PIK3CG: variants seen among roughly 807,000 people sequenced by gnomAD.
The protein encoded by PIK3CG is phosphatidylinositol 4,5-bisphosphate 3-kinase catalytic subunit gamma isoform.
In PIK3CG, 55 loss-of-function variants were observed where a neutral mutation model predicts 102.3. The ratio of observed to expected loss-of-function variants is 0.54; its 90% CI spans 0.43 to 0.67. PIK3CG has a LOEUF of 0.67. Among genes scored for constraint, PIK3CG ranks in the 30% least tolerant of loss-of-function variants. The pLI is 0.00. For synonymous variants in PIK3CG, 552 were observed against 540.0 expected (o/e 1.02, Z -0.31); for missense variants, 1,258 against 1,391.8 (o/e 0.90, Z 1.53).
chr7:106,888,661 G>T (rs1326131041), intron 10 of PIK3CG, among the ~76,000 whole-genome samples: 4 of 152,194 alleles, frequency 2.6e-5, no homozygotes, highest in Non-Finnish European at 5.9e-5. Flanking sequence ...TTGTACATTT[G>T]TTGTACTTGT....
chr7:106,893,843 T>G lies in PIK3CG; in HGVS notation c.3030+7551T>G, dbSNP rs1387171946. On this transcript the variant is annotated intron_variant, in intron 10 of 10. Transcript: ENST00000496166. The surrounding 1 kb of genome is among the most constrained non-coding windows in gnomAD (Gnocchi z 4.4). ...AGTGAACTTACACAAACCTAGGTGG[T>G]AGTCTTCCACACACCTAGGCTATAT... Among the ~76,000 whole-genome samples, 1 of 152,206 alleles carries G rather than the reference T, an allele frequency of 6.6e-6. No individual in the cohort carries two copies. The highest frequency in any genetic ancestry group is 1.5e-5 in the Non-Finnish European group (1 of 68,038).
chr7:106,882,142 G>A lies in PIK3CG; in HGVS notation c.2564G>A (p.Trp855Ter), dbSNP rs2116537374. 6.4e-7 allele frequency: 1 copy of A among 1,567,056 alleles called. No individual in the cohort carries two copies. Among genetic ancestry groups the A allele is most frequent in the Non-Finnish European group, 8.7e-7 (1 of 1,155,598 alleles). ...LQILRIMESIWETESLDLCLL... is the reference protein window; with the variant it reads ...LQILRIMESI ...ATTCTACGAATCATGGAGTCTATTT[G>A]GGAGACTGAATCTTTGGATCTATGC... The change falls in exon 7 of 11, where the codon TGG becomes TAG. Residue 855 changes from tryptophan to a stop codon, truncating the protein, a stop_gained. Coordinates refer to ENST00000496166, the MANE Select transcript of PIK3CG (RefSeq NM_001282426.2). LOFTEE classifies it high-confidence loss of function.
At position 106,892,765 on chromosome 7, in the gene PIK3CG, T is replaced by C. The variant is rs1791297664; in HGVS notation, c.3030+6473T>C. Among the ~76,000 whole-genome samples, 1 of 152,176 alleles carries C rather than the reference T, an allele frequency of 6.6e-6. No individual in the cohort carries two copies. Among genetic ancestry groups the C allele is most frequent in the South Asian group, 2.1e-4 (1 of 4,832 alleles). ...TGCCCTAGAGGATAGAAAAGGGCTA[T>C]TCAGAGAAGCATGTGTTTTTCTCAG... is the stretch of plus-strand genomic sequence containing the variant. On this transcript the variant is annotated intron_variant, in intron 10 of 10. Coordinates refer to ENST00000496166, the MANE Select transcript of PIK3CG (RefSeq NM_001282426.2). The surrounding 1 kb of genome is among the most constrained non-coding windows in gnomAD (Gnocchi z 5.2).
rs1791582026 is a variant in PIK3CG, at chr7:106,902,408, A to G, written c.3031-2701A>G. Among the ~76,000 whole-genome samples the G allele has an allele frequency of 6.6e-6, 1 of 152,254 alleles. No individual in the cohort carries two copies. The highest frequency in any genetic ancestry group is 2.1e-4 in the South Asian group (1 of 4,826). Reference sequence around the variant, plus strand: ...CATCAGTCATGTAACCACCATCACAATTAAGTTATATAACATTTATAAGCA... The same window carrying G: ...CATCAGTCATGTAACCACCATCACAGTTAAGTTATATAACATTTATAAGCA... On this transcript the variant is annotated intron_variant, in intron 10 of 10. Coordinates refer to ENST00000496166, the MANE Select transcript of PIK3CG (RefSeq NM_001282426.2). This position sits in a 1 kb window ranked among gnomAD's most constrained non-coding sequence, Gnocchi z 4.3.
rs1295197342 is a variant in PIK3CG at position 106,867,937 on chromosome 7, A to G, written c.376A>G (p.Lys126Glu). 1 of 1,613,234 alleles carries G rather than the reference A, an allele frequency of 6.2e-7. No individual in the cohort carries two copies. Among genetic ancestry groups the G allele is most frequent in the South Asian group, 1.1e-5 (1 of 91,078 alleles). ...VQTLDCLRYWKATHRSPGQIH... is the reference protein window; with the variant it reads ...VQTLDCLRYWEATHRSPGQIH... ...GACTCTGGACTGCCTGCGCTACTGG[A>G]AGGCCACGCACCGGAGCCCGGGCCA... The change falls in exon 2 of 11, where the codon AAG becomes GAG. Residue 126 changes from lysine (K) to glutamate (E), a missense_variant. Around this residue, in one of 2 missense-constraint regions of PIK3CG, gnomAD observed 832 missense variants for 787.5 expected, o/e 1.06. Transcript: ENST00000496166. This position sits in a 1 kb window ranked among gnomAD's most constrained non-coding sequence, Gnocchi z 5.1.
chr7:106,865,894 G>A (rs1309450647), intron 1 of PIK3CG: 2 of 152,186 alleles, frequency 1.3e-5, no homozygotes, highest in Non-Finnish European at 2.9e-5. Flanking sequence ...TTTATTTCAA[G>A]TTAGTGTCAA....
At chr7:106,878,880 A>G (rs759754000) in intron 5 of PIK3CG, among the ~76,000 whole-genome samples, 1 of 152,234 alleles carries the variant, frequency 6.6e-6, no homozygotes, top group Non-Finnish European at 1.5e-5. Context: ...TTAAATGACT[A>G]CATCACAATT....
rs1411989310 is a variant in PIK3CG, at chr7:106,869,175, G to A, written c.1614G>A (p.Pro538=). 7 of 1,614,078 alleles carry A rather than the reference G, an allele frequency of 4.3e-6. No homozygotes were observed. The highest frequency in any genetic ancestry group is 2.2e-5 in the East Asian group (1 of 44,892). The change falls in exon 2 of 11, where the codon CCG becomes CCA. Residue 538 remains proline, a synonymous_variant. Coordinates refer to ENST00000496166, the MANE Select transcript of PIK3CG (RefSeq NM_001282426.2). This position sits in a 1 kb window ranked among gnomAD's most constrained non-coding sequence, Gnocchi z 5.3. The part of the protein sequence containing the change: ...ALPKHQPTPD[P]EGDRVRAEMP... ...CTAAGCATCAGCCCACCCCTGACCC[G>A]GAAGGGGACCGGGTTCGAGCAGAAA...
rs760413478 is a variant in PIK3CG, at chr7:106,868,431, C to A, written c.870C>A (p.Phe290Leu). 1.2e-6 allele frequency: 2 copies of A among 1,614,114 alleles called. No homozygotes were observed. Among genetic ancestry groups the A allele is most frequent in the African/African-American group, 2.7e-5 (2 of 74,934 alleles). Residue 290 changes from phenylalanine to leucine, a missense_variant, in exon 2 of 11, where the codon TTC becomes TTA. Phe to Leu is a conservative substitution (Grantham distance 22). Transcript: ENST00000496166. This position sits in a 1 kb window ranked among gnomAD's most constrained non-coding sequence, Gnocchi z 6.2. ...TGGGCGAAACGCCCATCAAAAACTT[C>A]CAGTGGGTGAGGCACTGCCTCAAGA... ...YLVGETPIKNFQWVRHCLKNG... is the reference protein window; with the variant it reads ...YLVGETPIKNLQWVRHCLKNG...
chr7:106,877,131 G>C lies in PIK3CG; in HGVS notation c.2391+2328G>C, dbSNP rs996965605. 2.0e-5 allele frequency among the ~76,000 whole-genome samples: 3 copies of C among 152,222 alleles called. No homozygotes were observed. The highest frequency in any genetic ancestry group is 6.5e-5 in the Admixed American group (1 of 15,288). ...GAGGATCACTTGAGCTCAGGAGTTT[G>C]ATACTGCAGTGAGCTGTGTTTGTGC... On this transcript the variant is annotated intron_variant, in intron 5 of 10. Coordinates refer to ENST00000496166, the MANE Select transcript of PIK3CG (RefSeq NM_001282426.2). The surrounding 1 kb of genome is among the most constrained non-coding windows in gnomAD (Gnocchi z 4.5).
chr7:106,900,633 T>C (rs1025557327), intron 10 of PIK3CG, among the ~76,000 whole-genome samples: 9 of 152,228 alleles, frequency 5.9e-5, no homozygotes, highest in Admixed American at 2.0e-4. Context: ...AGCTTGTTTG[T>C]GTGGTTGCTT....
rs1791426939 is a variant in PIK3CG, at chr7:106,897,043, T to C, written c.3031-8066T>C. 6.6e-6 allele frequency among the ~76,000 whole-genome samples: 1 copy of C among 152,236 alleles called. No individual in the cohort carries two copies. Among genetic ancestry groups the C allele is most frequent in the African/African-American group, 2.4e-5 (1 of 41,468 alleles). Reference sequence around the variant, plus strand: ...AATATTTTGTGTTAATTTACCAAAATGGGATGCATTGTTTTATACCTACCT... The same window carrying C: ...AATATTTTGTGTTAATTTACCAAAACGGGATGCATTGTTTTATACCTACCT... On this transcript the variant is annotated intron_variant, in intron 10 of 10. Transcript: ENST00000496166. The surrounding 1 kb of genome is among the most constrained non-coding windows in gnomAD (Gnocchi z 4.6).
intron 10 of PIK3CG, among the ~76,000 whole-genome samples, chr7:106,887,553 C>T (rs1791136761): frequency 6.6e-6 from 1 of 152,162 alleles, no homozygotes. Flanking sequence ...AAGACTTACC[C>T]TCCCACAGTT....
intron 4 of PIK3CG, among the ~76,000 whole-genome samples, chr7:106,873,182 G>A (rs1029428527): frequency 1.3e-5 from 2 of 152,196 alleles, no homozygotes; most frequent in Admixed American, 6.5e-5. Flanking sequence ...TTATGCAGAT[G>A]TAAGATGTAG....
rs1242343352 is a variant in PIK3CG at position 106,893,206 on chromosome 7, C to A, written c.3030+6914C>A. 6.6e-6 allele frequency among the ~76,000 whole-genome samples: 1 copy of A among 152,156 alleles called. No individual in the cohort carries two copies. Among genetic ancestry groups the A allele is most frequent in the South Asian group, 2.1e-4 (1 of 4,828 alleles). ...CCGTCTTGGGATCTGCACCCCGACC[C>A]ACTGACTAGGCCAGGCTCAGGCTCC... On this transcript the variant is annotated intron_variant, in intron 10 of 10. Transcript: ENST00000496166. This position sits in a 1 kb window ranked among gnomAD's most constrained non-coding sequence, Gnocchi z 4.4.
At position 106,867,135 on chromosome 7, in the gene PIK3CG, T is replaced by C. The variant is rs1448524399; in HGVS notation, c.-12-415T>C. On this transcript the variant is annotated intron_variant, in intron 1 of 10. Coordinates refer to ENST00000496166, the MANE Select transcript of PIK3CG (RefSeq NM_001282426.2). The surrounding 1 kb of genome is among the most constrained non-coding windows in gnomAD (Gnocchi z 5.1). ...ATGTCCATTCTGAGCCATTATAATGTGTCATGCGCTGTGCTGGATGAGTGT... is the reference window on the plus strand; with the variant it reads ...ATGTCCATTCTGAGCCATTATAATGCGTCATGCGCTGTGCTGGATGAGTGT... 6.6e-6 allele frequency among the ~76,000 whole-genome samples: 1 copy of C among 152,222 alleles called. No homozygotes were observed. Among genetic ancestry groups the C allele is most frequent in the Non-Finnish European group, 1.5e-5 (1 of 68,044 alleles).
rs1299894029 is a variant in PIK3CG at position 106,877,698 on chromosome 7, G to A, written c.2392-1821G>A. 6.6e-6 allele frequency among the ~76,000 whole-genome samples: 1 copy of A among 151,994 alleles called. No homozygotes were observed. The highest frequency in any genetic ancestry group is 1.5e-5 in the Non-Finnish European group (1 of 68,014). ...AAGTATCAACTGACCGTATATGTGT[G>A]GGTCTACACCTAGATTCTCTGTTCT... On this transcript the variant is annotated intron_variant, in intron 5 of 10. Transcript: ENST00000496166. The surrounding 1 kb of genome is among the most constrained non-coding windows in gnomAD (Gnocchi z 4.5).
chr7:106,875,977 C>T (rs1441086857), intron 5 of PIK3CG, among the ~76,000 whole-genome samples: 1 of 147,698 alleles, frequency 6.8e-6, no homozygotes, highest in Non-Finnish European at 1.5e-5. Flanking sequence ...TGCAGTGGCG[C>T]AATCTCGGCT....
intron 1 of PIK3CG, chr7:106,865,820 G>A (rs1007720151): frequency 8.5e-5 from 13 of 152,190 alleles, no homozygotes; most frequent in Non-Finnish European, 1.5e-4. Context: ...TTATAAGATC[G>A]TTTGGTATCA....
Sources: allele counts gnomAD v4.1 joint callset (sites outside exome capture counted in the v4.1 genomes callset), GRCh38; gene constraint gnomAD v4.1.1; regional missense constraint gnomAD v4.1.1; non-coding constraint Gnocchi (gnomAD v3.1); transcripts MANE v1.5; gene names NCBI Gene and HGNC (gene_info 2026-07-23, HGNC 2026-07-21).